Variants in ITPR1 observed in about 807,000 individuals in gnomAD.
ITPR1 encodes the protein inositol 1,4,5-trisphosphate receptor type 1.
In ITPR1, 96 loss-of-function variants were observed where a neutral mutation model predicts 318.4. The ratio of observed to expected loss-of-function variants is 0.30; its 90% CI spans 0.26 to 0.36. ITPR1 has a LOEUF of 0.36. ITPR1 is among the 10% of genes least tolerant of loss of function. The pLI is 1.00. For missense variants in ITPR1, 2,440 were observed against 3,460.2 expected (o/e 0.71, Z 7.40); for synonymous variants, 1,312 against 1,289.9 (o/e 1.02, Z -0.37).
At position 4,699,814 on chromosome 3, in the gene ITPR1, C is replaced by T. The variant is rs556452894; in HGVS notation, c.4409C>T (p.Ala1470Val). ...FENFLVDICR[A>V]CNNTSDRKHA... ...TTAACATACCCACTTGTCTTCCAGG[C>T]CTGTAACAACACTAGTGACAGGAAA... The change falls in exon 35 of 62, where the codon GCC becomes GTC. Residue 1470 changes from alanine to valine, a missense_variant and splice_region_variant. By Grantham distance (64) the Ala-to-Val change is moderately conservative (BLOSUM62 0). Transcript: ENST00000649015. 3.5e-5 allele frequency: 56 copies of T among 1,613,728 alleles called. No homozygotes were observed. In the South Asian group the frequency reaches 5.9e-4, roughly 17 times the overall value.
rs2094352150 is a variant in ITPR1 at position 4,684,287 on chromosome 3, A to G, written c.3505A>G (p.Asn1169Asp). Residue 1169 changes from asparagine (N) to aspartate (D), a missense_variant, in exon 29 of 62, where the codon AAT becomes GAT. Physicochemically the swap from Asn to Asp is conservative, Grantham distance 23 (BLOSUM62 1). This residue lies in a region of ITPR1 where 86 missense variants were observed against 75.6 expected (regional missense o/e 1.14). Transcript: ENST00000649015. ...TGTTCACTTTGGTTTCTAGGAGGGA[A>G]ATAACAAGCCACAAAAGCATGAAAG... ...ENEHKKTEEG[N>D]NKPQKHESTS... 6.2e-7 allele frequency: 1 copy of G among 1,611,290 alleles called. No homozygotes were observed.
intron 16 of ITPR1, 84 bp from the exon 17 acceptor site, chr3:4,665,054 C>T (rs1254566610): frequency 6.9e-7 from 1 of 1,442,520 alleles, no homozygotes; most frequent in Non-Finnish European, 9.7e-7. Context: ...TCCAGCCACC[C>T]TTGAGCTTGC....
intron 42 of ITPR1, among the ~76,000 whole-genome samples, chr3:4,728,819 A>G (rs2042707434): frequency 6.6e-6 from 1 of 152,210 alleles, no homozygotes; most frequent in Non-Finnish European, 1.5e-5. Flanking sequence ...GCCCCTGCCC[A>G]GTCCCACTAC....
At chr3:4,800,076 G>C in intron 53 of ITPR1, 1 of 297,824 alleles carries the variant, frequency 3.4e-6, no homozygotes, top group African/African-American at 2.2e-5. Context: ...ATAGTGTCCT[G>C]TAGGGATGAC....
At chr3:4,827,162 G>A (rs564783709) in intron 60 of ITPR1, among the ~76,000 whole-genome samples, 2 of 152,156 alleles carry the variant, frequency 1.3e-5, no homozygotes, top group African/African-American at 2.4e-5. Context: ...TCTCCCCACC[G>A]CCCATACCCT....
Position 4,667,523 on chromosome 3 carries a change from C to G in ITPR1, c.1860C>G (p.Ser620Arg). ...ITAAEIDTFVSLVRKNREPRF... is the reference protein window; with the variant it reads ...ITAAEIDTFVRLVRKNREPRF... ...CGGCAGAGATTGACACATTTGTCAG[C>G]CTGGTGCGAAAGAACAGGGAGCCCA... Residue 620 changes from serine to arginine, a missense_variant, in exon 18 of 62, where the codon AGC (serine) becomes AGG (arginine). Around this residue, in one of 23 missense-constraint regions of ITPR1, gnomAD observed 478 missense variants for 696.3 expected, o/e 0.69. Coordinates refer to ENST00000649015, the MANE Select transcript of ITPR1 (RefSeq NM_001378452.1). The G allele has an allele frequency of 3.1e-6, 5 of 1,613,268 alleles. No individual in the cohort carries two copies. The highest frequency in any genetic ancestry group is 4.2e-6 in the Non-Finnish European group (5 of 1,179,504).
intron 4 of ITPR1, among the ~76,000 whole-genome samples, chr3:4,590,347 T>A (rs183273689): frequency 1.6e-4 from 24 of 151,918 alleles, no homozygotes; most frequent in African/African-American, 5.5e-4. Flanking sequence ...TGGAACAGTG[T>A]CTGGCCATAA....
intron 4 of ITPR1, among the ~76,000 whole-genome samples, chr3:4,566,745 C>T (rs1457089562): frequency 6.6e-6 from 1 of 152,212 alleles, no homozygotes; most frequent in Non-Finnish European, 1.5e-5. Flanking sequence ...CCATACAACT[C>T]TGGCCTGTAA....
intron 4 of ITPR1, among the ~76,000 whole-genome samples, chr3:4,568,320 T>C (rs1441308809): frequency 6.6e-6 from 1 of 152,254 alleles, no homozygotes. Context: ...TTCATCTTTT[T>C]CTATTTTAAC....
intron 16 of ITPR1, among the ~76,000 whole-genome samples, chr3:4,663,485 C>G (rs1425916333): frequency 6.6e-6 from 1 of 152,156 alleles, no homozygotes; most frequent in Non-Finnish European, 1.5e-5. Context: ...ATTGATTTTT[C>G]AATAGACTAT....
intron 44 of ITPR1, 96 bp from the exon 45 acceptor site, chr3:4,766,434 C>G (rs995641713): frequency 2.1e-5 from 21 of 996,420 alleles, no homozygotes; most frequent in Middle Eastern, 2.8e-4. Flanking sequence ...TGAGGTTTTG[C>G]AACTGGCTCT....
chr3:4,558,757 T>C (rs978850861), intron 4 of ITPR1, among the ~76,000 whole-genome samples: 4 of 152,140 alleles, frequency 2.6e-5, no homozygotes, highest in African/African-American at 9.7e-5. Context: ...AATAGAGTGA[T>C]ACAGTGATCC....
chr3:4,556,326 A>T (rs1485391661), intron 4 of ITPR1, among the ~76,000 whole-genome samples: 1 of 152,176 alleles, frequency 6.6e-6, no homozygotes, highest in Non-Finnish European at 1.5e-5. Flanking sequence ...CCCAGAGACC[A>T]TCATTTACGT....
At chr3:4,841,006 G>A (rs969099851) in intron 61 of ITPR1, among the ~76,000 whole-genome samples, 1 of 152,064 alleles carries the variant, frequency 6.6e-6, no homozygotes, top group South Asian at 2.1e-4. Flanking sequence ...ATACAAGAGG[G>A]TTATCTTGCT....
At chr3:4,814,628 G>A in intron 58 of ITPR1, 66 bp downstream of exon 58, 1 of 1,407,722 alleles carries the variant, frequency 7.1e-7, no homozygotes, top group Non-Finnish European at 9.9e-7. Context: ...GGAGCACCAT[G>A]CAGCGGTGTT....
chr3:4,529,529 G>A (rs1455981248), intron 4 of ITPR1, among the ~76,000 whole-genome samples: 1 of 152,176 alleles, frequency 6.6e-6, no homozygotes, highest in Non-Finnish European at 1.5e-5. Context: ...AATCACTTGA[G>A]CTTATGATAA....
chr3:4,789,667 T>G (rs1281916889), intron 52 of ITPR1, among the ~76,000 whole-genome samples: 1 of 152,198 alleles, frequency 6.6e-6, no homozygotes, highest in Non-Finnish European at 1.5e-5. Context: ...TCGCCCAGGC[T>G]GGAGTGCAGT....
At chr3:4,636,247 C>G (rs954081989) in intron 5 of ITPR1, among the ~76,000 whole-genome samples, 2 of 152,170 alleles carry the variant, frequency 1.3e-5, no homozygotes, top group African/African-American at 2.4e-5. Context: ...GGGAAGTTTT[C>G]TCCTTAATGA....
At chr3:4,837,982 ACC>A (rs2051054178) in intron 61 of ITPR1, among the ~76,000 whole-genome samples, 1 of 152,196 alleles carries the variant, frequency 6.6e-6, no homozygotes, top group South Asian at 2.1e-4. Flanking sequence ...TGCAAGGTAC[ACC>A]CACGGGTGAT....
Sources: allele counts gnomAD v4.1 joint callset (sites outside exome capture counted in the v4.1 genomes callset), GRCh38; gene constraint gnomAD v4.1.1; regional missense constraint gnomAD v4.1.1; transcripts MANE v1.5; gene names NCBI Gene and HGNC (gene_info 2026-07-23, HGNC 2026-07-21).